Variants in ITGA9 observed in about 807,000 individuals in gnomAD.
ITGA9 encodes integrin alpha-9.
In ITGA9, 56 loss-of-function variants were observed where a neutral mutation model predicts 127.8. The ratio of observed to expected loss-of-function variants is 0.44; its 90% CI spans 0.35 to 0.55. The LOEUF (loss-of-function observed/expected upper bound fraction) is 0.55, where lower values mean the gene tolerates loss of function less well. Ranked by LOEUF, ITGA9 falls within the 20% of genes least tolerant of loss-of-function variation. The probability of loss-of-function intolerance (pLI) is 0.00; values close to 1 mark genes in which losing one functional copy is unlikely to be tolerated. For synonymous variants in ITGA9, 508 were observed against 514.5 expected, an observed-to-expected ratio of 0.99 and a Z score of 0.17; for missense variants, 1,196 against 1,347.1, an observed-to-expected ratio of 0.89 and a Z score of 1.76.
At chr3:37,748,561 A>G (rs1559586930) in intron 22 of ITGA9, 2 of 453,576 alleles carry the variant, frequency 4.4e-6, no homozygotes, top group Non-Finnish European at 8.0e-6. Context: ...CAACCTGGCC[A>G]ACATGGTGAA....
chr3:37,743,929 C>A lies in ITGA9; in HGVS notation c.2328C>A (p.Ile776=), dbSNP rs1696468300. ...ATTTCATGCTTTCCTCTTTCAGAAT[C>A]ATGTCTCCAACCTCCTTTGTATATG... is the stretch of plus-strand genomic sequence containing the variant. ...MHEVDTSITG[I]MSPTSFVYGE... Residue 776 remains isoleucine (I), a synonymous_variant, in exon 22 of 28, where the codon ATC becomes ATA. Coordinates refer to ENST00000264741, the MANE Select transcript of ITGA9 (RefSeq NM_002207.3). 1.2e-6 allele frequency: 2 copies of A among 1,610,162 alleles called. No homozygotes were observed. The highest frequency in any genetic ancestry group is 1.3e-5 in the African/African-American group (1 of 74,964).
At chr3:37,770,463 T>G (rs1429828308) in intron 23 of ITGA9, among the ~76,000 whole-genome samples, 1 of 152,170 alleles carries the variant, frequency 6.6e-6, no homozygotes, top group African/African-American at 2.4e-5. Context: ...GTCCTCTCTC[T>G]TGCTCTGAGT....
At chr3:37,742,884 C>T (rs755293730) in intron 21 of ITGA9, among the ~76,000 whole-genome samples, 17 of 152,240 alleles carry the variant, frequency 1.1e-4, no homozygotes, top group South Asian at 6.2e-4. Flanking sequence ...CATATTTTTG[C>T]CTCTGTTCAC....
chr3:37,464,729 C>T (rs565441200), intron 1 of ITGA9, among the ~76,000 whole-genome samples: 1 of 152,326 alleles, frequency 6.6e-6, no homozygotes, highest in African/African-American at 2.4e-5. Flanking sequence ...CCCTAGAAAG[C>T]AGTCAGTATC....
chr3:37,745,805 A>G (rs548833515), intron 22 of ITGA9: 30 of 152,356 alleles, frequency 2.0e-4, no homozygotes, highest in African/African-American at 7.2e-4. Flanking sequence ...GTATTCAGGC[A>G]AATAGTTTTC....
intron 15 of ITGA9, among the ~76,000 whole-genome samples, chr3:37,543,784 A>G (rs1411935779): frequency 6.6e-6 from 1 of 152,198 alleles, no homozygotes; most frequent in Non-Finnish European, 1.5e-5. Context: ...CCCATGGCCC[A>G]GAGCCCATGA....
chr3:37,513,998 A>T, intron 9 of ITGA9, 98 bp downstream of exon 9: 1 of 1,401,390 alleles, frequency 7.1e-7, no homozygotes, highest in Non-Finnish European at 1.0e-6. Context: ...CACTGGGGGC[A>T]ATGTTACCCA....
chr3:37,790,163 A>T, intron 26 of ITGA9: 1 of 566,328 alleles, frequency 1.8e-6, no homozygotes, highest in African/African-American at 1.9e-5. Flanking sequence ...CCTTTCAGCA[A>T]TCTGAATTCC....
At chr3:37,539,514 T>C (rs1180808584) in intron 14 of ITGA9, among the ~76,000 whole-genome samples, 1 of 152,250 alleles carries the variant, frequency 6.6e-6, no homozygotes, top group Admixed American at 6.5e-5. Context: ...GAAGAGTTGA[T>C]GTTGCAGCTC....
chr3:37,815,933 C>G (rs1005380418), intron 27 of ITGA9, among the ~76,000 whole-genome samples: 14 of 152,106 alleles, frequency 9.2e-5, no homozygotes, highest in Non-Finnish European at 1.8e-4. Flanking sequence ...AAAAACTGGT[C>G]TCTTAGCAGG....
chr3:37,693,553 C>A (rs978032146), intron 18 of ITGA9, among the ~76,000 whole-genome samples: 1 of 152,130 alleles, frequency 6.6e-6, no homozygotes, highest in African/African-American at 2.4e-5. Flanking sequence ...CAAGGCAAAC[C>A]GCTCAAGATG....
At chr3:37,606,903 A>C (rs1385538720) in intron 15 of ITGA9, among the ~76,000 whole-genome samples, 2 of 151,540 alleles carry the variant, frequency 1.3e-5, no homozygotes, top group Non-Finnish European at 2.9e-5. Context: ...GATGCTTGAA[A>C]ATCAATGGTT....
At chr3:37,528,195 G>C (rs1699114069) in intron 13 of ITGA9, among the ~76,000 whole-genome samples, 1 of 152,158 alleles carries the variant, frequency 6.6e-6, no homozygotes, top group Non-Finnish European at 1.5e-5. Context: ...TTAATCCAAA[G>C]GGTATTTTCT....
At chr3:37,478,880 C>A (rs1698522248) in intron 3 of ITGA9, among the ~76,000 whole-genome samples, 1 of 152,108 alleles carries the variant, frequency 6.6e-6, no homozygotes, top group Admixed American at 6.5e-5. Context: ...AGGAATTTTC[C>A]AAGATCACCC....
intron 23 of ITGA9, among the ~76,000 whole-genome samples, chr3:37,764,582 C>T (rs781321979): frequency 2.0e-5 from 3 of 152,088 alleles, no homozygotes; most frequent in Non-Finnish European, 4.4e-5. Flanking sequence ...AATAGCCCCT[C>T]ATCCCTGACC....
Position 37,560,286 on chromosome 3 carries a change from C to A in ITGA9, c.1689+17701C>A, listed in dbSNP as rs147170195. On this transcript the variant is annotated intron_variant, in intron 15 of 27. Transcript: ENST00000264741. Reference sequence around the variant, plus strand: ...TCCCTGCAAAGGACATGAACTCATCCTTTTTTATGGCTGCATAGTATTCCA... The same window carrying A: ...TCCCTGCAAAGGACATGAACTCATCATTTTTTATGGCTGCATAGTATTCCA... Among the ~76,000 whole-genome samples, 435 of 152,270 alleles carry A rather than the reference C, an allele frequency of 2.9e-3. 2 individuals carry two copies. Among genetic ancestry groups the A allele is most frequent in the African/African-American group, 9.6e-3 (400 of 41,550 alleles).
chr3:37,518,721 C>G (rs928594291), intron 10 of ITGA9, among the ~76,000 whole-genome samples: 1 of 127,628 alleles, frequency 7.8e-6, no homozygotes, highest in African/African-American at 3.0e-5. Context: ...AAGGTAGAAA[C>G]TTTTTTGGAA....
chr3:37,594,078 C>T (rs570547771), intron 15 of ITGA9, among the ~76,000 whole-genome samples: 63 of 152,334 alleles, frequency 4.1e-4, no homozygotes, highest in Non-Finnish European at 7.6e-4. Context: ...TGCTGCCACA[C>T]GTGGGGCCAA....
intron 23 of ITGA9, among the ~76,000 whole-genome samples, chr3:37,765,448 C>A (rs1696769431): frequency 6.6e-6 from 1 of 152,094 alleles, no homozygotes; most frequent in Non-Finnish European, 1.5e-5. Flanking sequence ...CAGTAATGGC[C>A]CTAAACTTTC....
Sources: allele counts gnomAD v4.1 joint callset (sites outside exome capture counted in the v4.1 genomes callset), GRCh38; gene constraint gnomAD v4.1.1; transcripts MANE v1.5; gene names NCBI Gene and HGNC (gene_info 2026-07-23, HGNC 2026-07-21).